Variants in EAPP observed in about 807,000 individuals in gnomAD.
EAPP encodes the protein E2F-associated phosphoprotein.
EAPP carries 38 observed loss-of-function variants against 34.3 expected under a neutral mutation model. The observed-to-expected ratio is 1.11, with a 90% CI of 0.85 to 1.45. The LOEUF is 1.45. EAPP is among the 40% of genes most tolerant of loss of function. EAPP has a pLI of 0.00. For missense variants in EAPP, 338 were observed against 343.7 expected, an observed-to-expected ratio of 0.98 and a Z score of 0.13; for synonymous variants, 113 against 117.6, an observed-to-expected ratio of 0.96 and a Z score of 0.25.
intron 5 of EAPP, among the ~76,000 whole-genome samples, chr14:34,520,368 C>T (rs1490323735): frequency 1.3e-5 from 2 of 151,618 alleles, no homozygotes; most frequent in Non-Finnish European, 2.9e-5. Context: ...CGCCAACACG[C>T]CCAGCTAATT....
At chr14:34,539,343 AT>A in intron 1 of EAPP, 1 of 697,696 alleles carries the variant, frequency 1.4e-6, no homozygotes, top group Non-Finnish European at 2.6e-6. Flanking sequence ...TGATTCCGGA[AT>A]ATCCCTCTTC....
intron 5 of EAPP, among the ~76,000 whole-genome samples, chr14:34,517,915 A>T (rs969604280): frequency 1.3e-4 from 20 of 151,374 alleles, no homozygotes; most frequent in Non-Finnish European, 2.4e-4. Flanking sequence ...GCTGGGATTA[A>T]AGGTGTACGC....
At chr14:34,518,585 C>T (rs571824539) in intron 5 of EAPP, among the ~76,000 whole-genome samples, 1 of 152,224 alleles carries the variant, frequency 6.6e-6, no homozygotes, top group Non-Finnish European at 1.5e-5. Flanking sequence ...CCAACCTCGG[C>T]CTCCTGAAGT....
At chr14:34,520,232 CAG>C (rs1419464649) in intron 5 of EAPP, among the ~76,000 whole-genome samples, 2 of 149,140 alleles carry the variant, frequency 1.3e-5, no homozygotes, top group Non-Finnish European at 3.0e-5. Flanking sequence ...TTTTTTGAGA[CAG>C]AGTCTCACTC....
At chr14:34,533,228 T>C (rs1880353731) in intron 3 of EAPP, among the ~76,000 whole-genome samples, 1 of 151,930 alleles carries the variant, frequency 6.6e-6, no homozygotes, top group Middle Eastern at 3.4e-3. Flanking sequence ...ACAGATGGGG[T>C]TTCACCAAGT....
chr14:34,536,129 T>C lies in EAPP; in HGVS notation c.221A>G (p.Lys74Arg). The part of the protein sequence containing the change: ...EMEAELNSTM[K>R]TMEDKLSSLG... ...AGAGGATAACTTGTCCTCCATTGTT[T>C]TCATGGTAGAATTTAATTCAGCTTC... The change falls in exon 2 of 6, where the codon AAA becomes AGA. Residue 74 changes from lysine to arginine, a missense_variant. By Grantham distance (26) the Lys-to-Arg change is conservative. Coordinates refer to ENST00000250454, the MANE Select transcript of EAPP (RefSeq NM_018453.4). 1 of 1,611,854 alleles carries C rather than the reference T, an allele frequency of 6.2e-7. No individual in the cohort carries two copies. The highest frequency in any genetic ancestry group is 8.5e-7 in the Non-Finnish European group (1 of 1,179,436).
intron 5 of EAPP, among the ~76,000 whole-genome samples, chr14:34,521,635 CTTT>C (rs34835280): frequency 4.6e-5 from 6 of 129,678 alleles, no homozygotes; most frequent in Admixed American, 1.6e-4. Flanking sequence ...TCCCAGATTT[CTTT>C]TTTTTTTTTT....
At chr14:34,530,459 T>A (rs559209662) in intron 3 of EAPP, among the ~76,000 whole-genome samples, 1 of 152,116 alleles carries the variant, frequency 6.6e-6, no homozygotes, top group East Asian at 1.9e-4. Context: ...CCTAGGAGTC[T>A]GAGGATGTAG....
At chr14:34,532,674 CTT>C (rs1382526657) in intron 3 of EAPP, among the ~76,000 whole-genome samples, 13 of 136,014 alleles carry the variant, frequency 9.6e-5, no homozygotes, top group Admixed American at 2.3e-4. Context: ...GTGTCCCCAG[CTT>C]TTTTTTTTTT....
At position 34,530,886 on chromosome 14, in the gene EAPP, G is replaced by C. The variant is rs78516059; in HGVS notation, c.353-1411C>G. Among the ~76,000 whole-genome samples, 488 of 42,970 alleles carry C rather than the reference G, an allele frequency of 0.011. 12 individuals carry two copies. The East Asian group carries it at 0.21, about 19-fold the overall frequency. The allele number at this position is 42,970 out of a possible 152,430, so 28.2% of individuals were successfully genotyped here. On this transcript the variant is annotated intron_variant, in intron 3 of 5. Coordinates refer to ENST00000250454, the MANE Select transcript of EAPP (RefSeq NM_018453.4). ...ATTTGACACCAGCCTAAGCAACAAAGCAAGACCCAATCTTTACCAAAAAAA... is the reference window on the plus strand; with the variant it reads ...ATTTGACACCAGCCTAAGCAACAAACCAAGACCCAATCTTTACCAAAAAAA...
intron 4 of EAPP, among the ~76,000 whole-genome samples, chr14:34,529,028 CG>C (rs1442018172): frequency 6.6e-6 from 1 of 151,902 alleles, no homozygotes; most frequent in African/African-American, 2.4e-5. Flanking sequence ...CCCAACTACT[CG>C]GGAAGCTGAG....
intron 4 of EAPP, among the ~76,000 whole-genome samples, chr14:34,525,735 C>T (rs955941556): frequency 3.9e-5 from 6 of 152,058 alleles, no homozygotes; most frequent in Non-Finnish European, 8.8e-5. Flanking sequence ...AATAATGTAT[C>T]AAGGCCGGGC....
intron 5 of EAPP, among the ~76,000 whole-genome samples, chr14:34,520,220 CT>C (rs1566444937): frequency 6.7e-6 from 1 of 148,502 alleles, no homozygotes; most frequent in Non-Finnish European, 1.5e-5. Flanking sequence ...TTTTTTTCTT[CT>C]TTTTTTGAGA....
chr14:34,536,413 A>G, intron 1 of EAPP, 138 bp from the exon 2 acceptor site: 2 of 524,114 alleles, frequency 3.8e-6, no homozygotes, highest in Non-Finnish European at 6.2e-6. Flanking sequence ...ACATATAGCT[A>G]TTCTCACTTA....
chr14:34,517,139 T>C (rs1352594341), intron 5 of EAPP, among the ~76,000 whole-genome samples: 3 of 151,582 alleles, frequency 2.0e-5, no homozygotes, highest in Admixed American at 6.6e-5. Flanking sequence ...GGGGTTTCAT[T>C]GTGTTAGCCA....
intron 3 of EAPP, among the ~76,000 whole-genome samples, chr14:34,531,206 G>A (rs1880277937): frequency 6.6e-6 from 1 of 152,158 alleles, no homozygotes; most frequent in African/African-American, 2.4e-5. Flanking sequence ...CAGGAAGGCT[G>A]AGGCACCAGA....
At chr14:34,523,526 G>GTTT (rs10668919) in intron 5 of EAPP, among the ~76,000 whole-genome samples, 36,333 of 118,820 alleles carry the variant, frequency 0.31, 6,258 homozygotes, top group Non-Finnish European at 0.37. Context: ...CGCCCAGCCC[G>GTTT]TTTTTTTTTT....
At chr14:34,522,707 G>A (rs1195793265) in intron 5 of EAPP, among the ~76,000 whole-genome samples, 1 of 152,186 alleles carries the variant, frequency 6.6e-6, no homozygotes, top group African/African-American at 2.4e-5. Context: ...TGAGCGTGCT[G>A]CCTGTTCCAA....
chr14:34,524,655 G>GTA lies in EAPP; in HGVS notation c.581+40_581+41dup. ...TCTGTTTCTAATTTAAACAAAATATGTATGTGTGTGTGTGTGTGTGTGTGT... is the reference window on the plus strand; with the variant it reads ...TCTGTTTCTAATTTAAACAAAATATGTATATGTGTGTGTGTGTGTGTGTGTGT... On this transcript the variant is annotated intron_variant, in intron 5 of 5. Transcript: ENST00000250454. The GTA allele has an allele frequency of 3.2e-6, 3 of 950,868 alleles. No homozygotes were observed. The African/African-American group carries it at 5.2e-5, about 16-fold the overall frequency. 58.9% of individuals were successfully genotyped at this position (950,868 alleles called of 1,614,324 possible).
Sources: gnomAD v4.1 joint callset for allele counts (sites outside exome capture counted in the v4.1 genomes callset) on GRCh38, gnomAD v4.1.1 for gene constraint, MANE v1.5 for transcripts, NCBI Gene and HGNC (gene_info 2026-07-23, HGNC 2026-07-21) for gene names.